BRD4: variants seen among roughly 807,000 people sequenced by gnomAD.
The protein encoded by BRD4 is bromodomain-containing protein 4.
Under a neutral mutation model 142.1 loss-of-function variants are expected in BRD4, and 16 were observed. The observed-to-expected ratio is 0.11, with a 90% confidence interval of 0.08 to 0.17. The LOEUF is 0.17. Among genes scored for constraint, BRD4 ranks in the 10% least tolerant of loss-of-function variants. The pLI is 1.00. For synonymous variants in BRD4, 833 were observed against 707.5 expected (o/e 1.18, Z -2.82); for missense variants, 1,424 against 1,810.9 (o/e 0.79, Z 3.88).
At chr19:15,313,483 G>A (rs2047991296) in intron 1 of BRD4, among the ~76,000 whole-genome samples, 1 of 151,328 alleles carries the variant, frequency 6.6e-6, no homozygotes, top group Admixed American at 6.6e-5. Flanking sequence ...GACTAAGCCT[G>A]GCTGACATGG....
At chr19:15,331,576 C>A (rs2048158967) in intron 1 of BRD4, among the ~76,000 whole-genome samples, 1 of 152,190 alleles carries the variant, frequency 6.6e-6, no homozygotes. Flanking sequence ...CGCCCTGAGG[C>A]CTGGCCTCAG....
intron 1 of BRD4, among the ~76,000 whole-genome samples, chr19:15,300,847 T>C (rs1232945776): frequency 1.3e-5 from 2 of 152,182 alleles, no homozygotes; most frequent in Admixed American, 6.5e-5. Flanking sequence ...CGAAAAATGA[T>C]GCAACCCTCC....
At chr19:15,313,242 G>A (rs955768425) in intron 1 of BRD4, among the ~76,000 whole-genome samples, 7 of 151,728 alleles carry the variant, frequency 4.6e-5, no homozygotes, top group East Asian at 1.9e-4. Context: ...GCGTGGTGGC[G>A]GACAGCTAGA....
chr19:15,278,142 C>CAAAAAAAAAAAAA (rs2047669367), intron 1 of BRD4, among the ~76,000 whole-genome samples: 3 of 89,314 alleles, frequency 3.4e-5, no homozygotes, highest in East Asian at 3.3e-4. Context: ...AAAAAAAAAT[C>CAAAAAAAAAAAAA]AAAATCAACA....
At chr19:15,319,792 T>C (rs2048046023) in intron 1 of BRD4, among the ~76,000 whole-genome samples, 1 of 151,636 alleles carries the variant, frequency 6.6e-6, no homozygotes, top group East Asian at 1.9e-4. Context: ...CAAAATTAGA[T>C]GAGTGTGGTG....
At chr19:15,323,466 T>C (rs566898728) in intron 1 of BRD4, among the ~76,000 whole-genome samples, 2 of 152,272 alleles carry the variant, frequency 1.3e-5, no homozygotes, top group South Asian at 2.1e-4. Context: ...CAAAATATGT[T>C]TCCTCAAACA....
chr19:15,292,147 C>A (rs1340886801), intron 1 of BRD4, among the ~76,000 whole-genome samples: 2 of 152,160 alleles, frequency 1.3e-5, no homozygotes, highest in Non-Finnish European at 2.9e-5. Context: ...GGAAAGCAAG[C>A]CAAAAGGAGA....
chr19:15,251,520 C>T (rs905469156), intron 11 of BRD4, among the ~76,000 whole-genome samples: 2 of 150,946 alleles, frequency 1.3e-5, no homozygotes, highest in African/African-American at 2.4e-5. Flanking sequence ...GTTCCCCCAC[C>T]CTGACCCACT....
chr19:15,243,258 C>T lies in BRD4; in HGVS notation c.2811G>A (p.Lys937=), dbSNP rs374518582. 191 of 1,457,830 alleles carry T rather than the reference C, an allele frequency of 1.3e-4. 1 individual carries two copies. Among genetic ancestry groups the T allele is most frequent in the Middle Eastern group, 1.3e-3 (6 of 4,586 alleles). The allele number at this position is 1,457,830 out of a possible 1,614,324, so 90.3% of individuals were successfully genotyped here. Residue 937 remains lysine, a synonymous_variant, in exon 14 of 20, where the codon AAG becomes AAA. Transcript: ENST00000679869. ...QMQLYLQQLQ[K]VQPPTPLLPS... The stretch of plus-strand genomic sequence containing the variant: ...GGAGTAGCGGCGTAGGGGGCTGCAC[C>T]TTCTGCAGCTGCTGCAGGTACAGCT...
intron 6 of BRD4, among the ~76,000 whole-genome samples, chr19:15,263,788 G>A (rs2047500488): frequency 6.6e-6 from 1 of 152,166 alleles, no homozygotes; most frequent in Admixed American, 6.5e-5. Flanking sequence ...AGAACCCACA[G>A]GAGGCGGAGC....
At chr19:15,284,759 T>C (rs895851342) in intron 1 of BRD4, among the ~76,000 whole-genome samples, 3 of 152,110 alleles carry the variant, frequency 2.0e-5, no homozygotes, top group Admixed American at 6.5e-5. Flanking sequence ...TCTCAGTAAC[T>C]TTCAGAATAT....
chr19:15,297,089 A>G (rs757726141), intron 1 of BRD4, among the ~76,000 whole-genome samples: 4 of 152,246 alleles, frequency 2.6e-5, no homozygotes, highest in Non-Finnish European at 5.9e-5. Context: ...AAAGATACAT[A>G]AAAGCAGCCA....
chr19:15,246,160 G>A (rs578188407), intron 11 of BRD4, among the ~76,000 whole-genome samples: 2 of 152,230 alleles, frequency 1.3e-5, no homozygotes, highest in Admixed American at 6.5e-5. Flanking sequence ...GGCTCAGGAC[G>A]CTCTGGGTCA....
At chr19:15,322,859 T>A (rs1439264504) in intron 1 of BRD4, among the ~76,000 whole-genome samples, 23 of 119,826 alleles carry the variant, frequency 1.9e-4, no homozygotes, top group Admixed American at 3.8e-4. Flanking sequence ...AGAGAGAGAC[T>A]CTGTCTCCAA....
intron 4 of BRD4, among the ~76,000 whole-genome samples, chr19:15,267,047 G>C (rs2145608440): frequency 6.6e-6 from 1 of 152,332 alleles, no homozygotes; most frequent in South Asian, 2.1e-4. Context: ...TGAGATGTTA[G>C]TTAAAATGAT....
At position 15,326,047 on chromosome 19, in the gene BRD4, CATGTCCAA is replaced by C. The variant is rs547790233; in HGVS notation, c.-35+6235_-35+6242del. 3.0e-3 allele frequency among the ~76,000 whole-genome samples: 421 copies of C among 138,894 alleles called. 2 individuals carry two copies. The highest frequency in any genetic ancestry group is 5.2e-3 in the Non-Finnish European group (332 of 63,892). The allele number at this position is 138,894 out of a possible 152,430, so 91.1% of individuals were successfully genotyped here. On this transcript the variant is annotated intron_variant, in intron 1 of 19. Transcript: ENST00000679869. ...AGAAAGAAAAAGAAAACTTGGAAAT[CATGTCCAA>C]ATGTCCAAAAATAGCAGAATTAAGT...
chr19:15,289,131 G>A (rs1196838892), intron 1 of BRD4, among the ~76,000 whole-genome samples: 1 of 152,154 alleles, frequency 6.6e-6, no homozygotes, highest in Admixed American at 6.5e-5. Flanking sequence ...CTGTTTTCTG[G>A]GTTCTGACAA....
intron 1 of BRD4, among the ~76,000 whole-genome samples, chr19:15,277,579 T>G (rs1314373662): frequency 6.9e-6 from 1 of 145,766 alleles, no homozygotes; most frequent in Non-Finnish European, 1.5e-5. Context: ...GTCTGGAATT[T>G]GAGACCAGCC....
At position 15,255,578 on chromosome 19, in the gene BRD4, G is replaced by A. The variant is rs577973488; in HGVS notation, c.1766C>T (p.Ala589Val). 4.1e-5 allele frequency: 66 copies of A among 1,604,370 alleles called. No individual in the cohort carries two copies. The highest frequency in any genetic ancestry group is 5.0e-5 in the Admixed American group (3 of 59,670). ...GGGAGGGGGCTTGCTCTTCATGGGC[G>A]CTGGCTCCTTCTTGCTACGAAGGGA... Reference protein sequence around the residue: ...SNSNVSKKEPAPMKSKPPPTY... With the variant: ...SNSNVSKKEPVPMKSKPPPTY... The change falls in exon 10 of 20, where the codon GCG (alanine) becomes GTG (valine). Residue 589 changes from alanine to valine, a missense_variant. Ala to Val is a moderately conservative substitution (Grantham distance 64). Coordinates refer to ENST00000679869, the MANE Select transcript of BRD4 (RefSeq NM_001379291.1).
Sources: gnomAD v4.1 joint callset for allele counts (sites outside exome capture counted in the v4.1 genomes callset) on GRCh38, gnomAD v4.1.1 for gene constraint, MANE v1.5 for transcripts, NCBI Gene and HGNC (gene_info 2026-07-23, HGNC 2026-07-21) for gene names.